Variants in DNAH6 observed in about 807,000 individuals in gnomAD.
DNAH6 encodes dynein axonemal heavy chain 6, also known as axonemal beta dynein heavy chain 6.
In DNAH6, 340 loss-of-function variants were observed where a neutral mutation model predicts 491.4. That is an observed-to-expected ratio of 0.69 (90% CI 0.63 to 0.76). The LOEUF (loss-of-function observed/expected upper bound fraction) is 0.76, where lower values mean the gene tolerates loss of function less well. DNAH6 is among the 30% of genes least tolerant of loss of function. The probability of loss-of-function intolerance (pLI) is 0.00; values close to 1 mark genes in which losing one functional copy is unlikely to be tolerated. For missense variants in DNAH6, 4,443 were observed against 4,972.2 expected (o/e 0.89, Z 3.20); for synonymous variants, 1,603 against 1,686.1 (o/e 0.95, Z 1.21).
At chr2:84,565,328 CT>C (rs34618591) in intron 11 of DNAH6, among the ~76,000 whole-genome samples, 103,423 of 147,322 alleles carry the variant, frequency 0.7, 37,840 homozygotes, top group East Asian at 0.85. Context: ...TGGTCCAGGG[CT>C]TTTTTTTTTT....
chr2:84,795,409 ATG>A (rs1442094697), intron 68 of DNAH6, among the ~76,000 whole-genome samples: 1 of 152,204 alleles, frequency 6.6e-6, no homozygotes, highest in African/African-American at 2.4e-5. Flanking sequence ...ATTCAATGAA[ATG>A]TTATTCATAT....
At chr2:84,742,716 C>T (rs1672642600) in intron 62 of DNAH6, among the ~76,000 whole-genome samples, 1 of 151,742 alleles carries the variant, frequency 6.6e-6, no homozygotes, top group African/African-American at 2.4e-5. Context: ...CTTTATTTCT[C>T]CTCTCCTTCC....
intron 18 of DNAH6, among the ~76,000 whole-genome samples, chr2:84,599,916 CAT>C (rs1327522954): frequency 6.6e-6 from 1 of 152,174 alleles, no homozygotes; most frequent in Non-Finnish European, 1.5e-5. Flanking sequence ...GGTCCAAAAA[CAT>C]ACTTTTATGA....
At position 84,619,832 on chromosome 2, in the gene DNAH6, T is replaced by C. The variant is rs1159929599; in HGVS notation, c.3720T>C (p.Pro1240=). ...TGCCTCCTGCCGAAGGAAAGATTCC[T>C]GGTATTGATGGAGAACCAGAAAAGG... ...ALMPPAEGKI[P]GIDGEPEKVY... Residue 1240 remains proline (P), a synonymous_variant, in exon 24 of 77, where the codon CCT becomes CCC. Transcript: ENST00000389394. 6.4e-7 allele frequency: 1 copy of C among 1,551,482 alleles called. No homozygotes were observed. The highest frequency in any genetic ancestry group is 1.2e-5 in the South Asian group (1 of 84,058).
At chr2:84,699,555 C>A in intron 47 of DNAH6, 39 bp from the exon 48 acceptor site, 1 of 1,518,808 alleles carries the variant, frequency 6.6e-7, no homozygotes, top group Non-Finnish European at 8.9e-7. Flanking sequence ...GTTGCTTAAT[C>A]ATTATTTTAA....
At chr2:84,789,371 C>A (rs1441085400) in intron 68 of DNAH6, among the ~76,000 whole-genome samples, 1 of 152,210 alleles carries the variant, frequency 6.6e-6, no homozygotes, top group African/African-American at 2.4e-5. Flanking sequence ...AAAACTCTTA[C>A]ATCCAGATCA....
chr2:84,741,117 A>G (rs545758560), intron 62 of DNAH6, among the ~76,000 whole-genome samples: 1 of 152,020 alleles, frequency 6.6e-6, no homozygotes, highest in Admixed American at 6.5e-5. Flanking sequence ...TCAGTCTCAT[A>G]GCAGCTCGTA....
intron 72 of DNAH6, among the ~76,000 whole-genome samples, chr2:84,809,391 T>A (rs908522242): frequency 1.3e-5 from 2 of 152,158 alleles, no homozygotes; most frequent in Non-Finnish European, 2.9e-5. Flanking sequence ...CTCCGGAAGT[T>A]GCTGCTTGGC....
chr2:84,517,909 A>G lies in DNAH6; in HGVS notation c.83A>G (p.Asn28Ser), dbSNP rs903702775. The G allele has an allele frequency of 5.8e-6, 9 of 1,551,824 alleles. No homozygotes were observed. The highest frequency in any genetic ancestry group is 7.0e-6 in the Non-Finnish European group (8 of 1,147,010). Residue 28 changes from asparagine to serine, a missense_variant, in exon 2 of 77, where the codon AAT becomes AGT. Coordinates refer to ENST00000389394, the MANE Select transcript of DNAH6 (RefSeq NM_001370.2). ...YAENSALSRL[N>S]NIKAKQRVSY... is the part of the protein sequence containing the mutation. Reference sequence around the variant, plus strand: ...GAAAATTCTGCACTTTCAAGACTGAATAATATAAAAGCCAAACAAAGAGTG... The same window carrying G: ...GAAAATTCTGCACTTTCAAGACTGAGTAATATAAAAGCCAAACAAAGAGTG...
intron 60 of DNAH6, 24 bp from the exon 61 acceptor site, chr2:84,727,645 T>C: frequency 7.2e-7 from 1 of 1,397,074 alleles, no homozygotes; most frequent in African/African-American, 1.4e-5. Flanking sequence ...ATCAGAGACA[T>C]TGATAGAGCT....
chr2:84,634,698 C>CA, intron 30 of DNAH6, 57 bp downstream of exon 30: 1 of 1,427,818 alleles, frequency 7.0e-7, no homozygotes, highest in African/African-American at 1.5e-5. Context: ...GTCATTAACT[C>CA]ACAGAATGTT....
intron 60 of DNAH6, among the ~76,000 whole-genome samples, chr2:84,723,012 G>A (rs1221390599): frequency 6.6e-6 from 1 of 152,138 alleles, no homozygotes; most frequent in Non-Finnish European, 1.5e-5. Flanking sequence ...TGGATCACCT[G>A]AGGTCAGGAG....
intron 67 of DNAH6, among the ~76,000 whole-genome samples, chr2:84,786,773 C>T (rs1354981319): frequency 1.3e-5 from 2 of 152,070 alleles, no homozygotes; most frequent in African/African-American, 4.8e-5. Context: ...GGACAGACTC[C>T]TTAAAACAGT....
intron 63 of DNAH6, among the ~76,000 whole-genome samples, chr2:84,757,320 C>CTGTA (rs1468761578): frequency 6.6e-6 from 1 of 152,164 alleles, no homozygotes; most frequent in Non-Finnish European, 1.5e-5. Flanking sequence ...CTCAGCATAA[C>CTGTA]TACAGAGTTA....
At chr2:84,651,472 T>G (rs1690448742) in intron 33 of DNAH6, among the ~76,000 whole-genome samples, 1 of 152,184 alleles carries the variant, frequency 6.6e-6, no homozygotes, top group Admixed American at 6.5e-5. Context: ...CCTCAGGATT[T>G]TTCTGTGGTG....
intron 64 of DNAH6, among the ~76,000 whole-genome samples, chr2:84,764,627 G>A (rs539789432): frequency 7.9e-4 from 120 of 152,152 alleles, no homozygotes; most frequent in Non-Finnish European, 1.5e-3. Context: ...ATATTTGTAT[G>A]AGAAGCCACA....
Position 84,706,939 on chromosome 2 carries a change from C to T in DNAH6, c.8771C>T (p.Ala2924Val), listed in dbSNP as rs1208717128. 4 of 1,544,184 alleles carry T rather than the reference C, an allele frequency of 2.6e-6. No homozygotes were observed. Among genetic ancestry groups the T allele is most frequent in the Non-Finnish European group, 3.5e-6 (4 of 1,145,598 alleles). Reference sequence around the variant, plus strand: ...ATGGCTACCCTGAGAGAAAAGCAAGCATTACTAAGACAAGTAGAAGATCAA... The same window carrying T: ...ATGGCTACCCTGAGAGAAAAGCAAGTATTACTAAGACAAGTAGAAGATCAA... ...ITMATLREKQ[A>V]LLRQVEDQIQ... Residue 2924 changes from alanine to valine, a missense_variant, in exon 53 of 77, where the codon GCA (alanine) becomes GTA (valine). Coordinates refer to ENST00000389394, the MANE Select transcript of DNAH6 (RefSeq NM_001370.2).
chr2:84,490,079 A>C, the DNAH6 span, among the ~76,000 whole-genome samples: 1 of 152,118 alleles, frequency 6.6e-6, no homozygotes, highest in African/African-American at 2.4e-5. Context: ...GCATTTTTTC[A>C]GTTTTTTACA....
intron 12 of DNAH6, among the ~76,000 whole-genome samples, chr2:84,575,656 G>A (rs970740171): frequency 1.3e-5 from 2 of 152,206 alleles, no homozygotes; most frequent in East Asian, 1.9e-4. Flanking sequence ...AGGCCGAGGC[G>A]GGGGGATCAC....
Sources: allele counts gnomAD v4.1 joint callset (sites outside exome capture counted in the v4.1 genomes callset), GRCh38; gene constraint gnomAD v4.1.1; transcripts MANE v1.5; gene names NCBI Gene and HGNC (gene_info 2026-07-23, HGNC 2026-07-21).